Variants in BMPR1A observed in about 807,000 individuals in gnomAD.
BMPR1A encodes the protein bone morphogenetic protein receptor type 1A, also known as bone morphogenetic protein receptor type-1A.
Under a neutral mutation model 66.0 loss-of-function variants are expected in BMPR1A, and 7 were observed. The ratio of observed to expected loss-of-function variants is 0.11; its 90% CI spans 0.06 to 0.20. BMPR1A has a LOEUF of 0.20. Among genes scored for constraint, BMPR1A ranks in the 10% least tolerant of loss-of-function variants. BMPR1A has a pLI of 1.00. For synonymous variants in BMPR1A, 200 were observed against 229.7 expected, an observed-to-expected ratio of 0.87 and a Z score of 1.17; for missense variants, 408 against 669.1, an observed-to-expected ratio of 0.61 and a Z score of 4.31.
chr10:86,873,986 A>G (rs1842885579), intron 2 of BMPR1A, among the ~76,000 whole-genome samples: 1 of 152,220 alleles, frequency 6.6e-6, no homozygotes. Flanking sequence ...AACTTTGGAA[A>G]GCTAATTAAA....
At chr10:86,785,312 G>GT (rs1841499856) in intron 1 of BMPR1A, among the ~76,000 whole-genome samples, 1 of 151,982 alleles carries the variant, frequency 6.6e-6, no homozygotes, top group African/African-American at 2.4e-5. Flanking sequence ...TTTTTTGTTT[G>GT]TTTGTTTTTG....
chr10:86,797,820 A>T (rs1375296668), intron 1 of BMPR1A, among the ~76,000 whole-genome samples: 4 of 152,130 alleles, frequency 2.6e-5, no homozygotes, highest in Admixed American at 6.5e-5. Context: ...GAAATCTGTT[A>T]ATGCATGAGA....
chr10:86,845,849 T>C (rs1842477975), intron 2 of BMPR1A, among the ~76,000 whole-genome samples: 1 of 151,634 alleles, frequency 6.6e-6, no homozygotes. Context: ...TACAAAAAAT[T>C]AGCCGGGTGT....
chr10:86,932,077 C>T (rs1353228990), downstream of BMPR1A: 1 of 152,226 alleles, frequency 6.6e-6, no homozygotes, highest in African/African-American at 2.4e-5. Flanking sequence ...GATTCATAAA[C>T]TGCTAACATT....
chr10:86,847,440 C>T (rs546672266), intron 2 of BMPR1A, among the ~76,000 whole-genome samples: 1 of 152,174 alleles, frequency 6.6e-6, no homozygotes, highest in East Asian at 1.9e-4. Context: ...CCTTTTGTTT[C>T]TCCCTTCCCT....
rs140440137 is a variant in BMPR1A at position 86,837,231 on chromosome 10, C to CTGTGTGTG, written c.-267-1626_-267-1619dup. ...AATATCTGGCAGAATTAGAATCAGG[C>CTGTGTGTG]TGTGTGTGTGTGTGTCTGTGTGTGT... On this transcript the variant is annotated intron_variant, in intron 1 of 12. Transcript: ENST00000372037. Among the ~76,000 whole-genome samples, 944 of 143,740 alleles carry CTGTGTGTG rather than the reference C, an allele frequency of 6.6e-3. 8 individuals carry two copies. The highest frequency in any genetic ancestry group is 0.023 in the African/African-American group (845 of 37,530). 94.3% of individuals were successfully genotyped at this position (143,740 alleles called of 152,430 possible). A position where few individuals can be genotyped will look rare whatever the true frequency, so the allele number is the denominator to read the frequency against.
intron 10 of BMPR1A, among the ~76,000 whole-genome samples, chr10:86,920,305 C>T (rs532194774): frequency 6.6e-6 from 1 of 152,274 alleles, no homozygotes; most frequent in African/African-American, 2.4e-5. Flanking sequence ...CAGTGTGCCT[C>T]AGTTTACACA....
chr10:86,841,384 T>C (rs1279370924), intron 2 of BMPR1A, among the ~76,000 whole-genome samples: 1 of 152,186 alleles, frequency 6.6e-6, no homozygotes, highest in African/African-American at 2.4e-5. Flanking sequence ...CATACAGCTA[T>C]AATTTTCAAA....
chr10:86,886,638 C>G (rs1397995796), intron 3 of BMPR1A, among the ~76,000 whole-genome samples: 3 of 152,050 alleles, frequency 2.0e-5, no homozygotes, highest in African/African-American at 7.2e-5. Flanking sequence ...GGCGCTGTCC[C>G]CTAGGGAGAG....
intron 8 of BMPR1A, among the ~76,000 whole-genome samples, chr10:86,913,928 G>A (rs1843526323): frequency 6.6e-6 from 1 of 152,084 alleles, no homozygotes; most frequent in Admixed American, 6.6e-5. Flanking sequence ...ATATGGAAAT[G>A]CAAAGGACTA....
At chr10:86,906,117 A>G (rs148484987) in intron 7 of BMPR1A, among the ~76,000 whole-genome samples, 21 of 152,180 alleles carry the variant, frequency 1.4e-4, no homozygotes, top group African/African-American at 4.3e-4. Flanking sequence ...CATTTTCCCA[A>G]GGTATTTTCA....
intron 1 of BMPR1A, among the ~76,000 whole-genome samples, chr10:86,769,406 A>G (rs1223029567): frequency 6.6e-6 from 1 of 152,256 alleles, no homozygotes; most frequent in Non-Finnish European, 1.5e-5. Flanking sequence ...AGCGTGGACA[A>G]CATAGCGAGA....
chr10:86,780,976 T>A (rs1406746869), intron 1 of BMPR1A, among the ~76,000 whole-genome samples: 1 of 152,166 alleles, frequency 6.6e-6, no homozygotes, highest in African/African-American at 2.4e-5. Flanking sequence ...GTGCTGGGAT[T>A]ACAGGTGTGA....
chr10:86,891,531 A>AG (rs1288488449), intron 4 of BMPR1A, among the ~76,000 whole-genome samples: 1 of 152,228 alleles, frequency 6.6e-6, no homozygotes, highest in Non-Finnish European at 1.5e-5. Flanking sequence ...GAATATATTA[A>AG]GGGGAAACTC....
intron 2 of BMPR1A, among the ~76,000 whole-genome samples, chr10:86,843,188 C>T (rs1842446898): frequency 6.6e-6 from 1 of 152,172 alleles, no homozygotes; most frequent in Non-Finnish European, 1.5e-5. Context: ...GTACTATACT[C>T]TTCAGCTGGT....
intron 2 of BMPR1A, chr10:86,855,770 T>C (rs1842632036): frequency 1.5e-5 from 17 of 1,124,946 alleles, no homozygotes; most frequent in Non-Finnish European, 2.0e-5. Context: ...TTGGTGCAGC[T>C]GTCGTCTAAT....
In BMPR1A at chr10:86,923,734, G is replaced by A. The variant is rs1318358297; in HGVS notation, c.*15G>A. On this transcript the variant is annotated 3_prime_UTR_variant, in exon 13 of 13. Coordinates refer to ENST00000372037, the MANE Select transcript of BMPR1A (RefSeq NM_004329.3). ...TAAAAATCTGATGGTTAAACCATCG[G>A]AGGAGAAACTCTAGACTGCAAGAAC... 3 of 1,612,656 alleles carry A rather than the reference G, an allele frequency of 1.9e-6. No homozygotes were observed. The highest frequency in any genetic ancestry group is 2.5e-6 in the Non-Finnish European group (3 of 1,179,974).
chr10:86,807,484 G>A (rs1030107439), intron 1 of BMPR1A, among the ~76,000 whole-genome samples: 5 of 151,314 alleles, frequency 3.3e-5, no homozygotes, highest in Admixed American at 2.0e-4. Flanking sequence ...AGGCTCAAGC[G>A]GTCCTCCTGC....
At chr10:86,814,333 A>G (rs538786430) in intron 1 of BMPR1A, among the ~76,000 whole-genome samples, 1 of 151,982 alleles carries the variant, frequency 6.6e-6, no homozygotes, top group Admixed American at 6.5e-5. Context: ...TACAGTTTTT[A>G]GTGTTGCTTG....
Sources: gnomAD v4.1 joint callset for allele counts (sites outside exome capture counted in the v4.1 genomes callset) on GRCh38, gnomAD v4.1.1 for gene constraint, MANE v1.5 for transcripts, NCBI Gene and HGNC (gene_info 2026-07-23, HGNC 2026-07-21) for gene names.